RBM46: variants seen among roughly 807,000 people sequenced by gnomAD.
RBM46 encodes the protein RNA binding motif protein 46.
Under a neutral mutation model 43.3 loss-of-function variants are expected in RBM46, and 12 were observed. That is an observed-to-expected ratio of 0.28 (90% CI 0.18 to 0.45). The LOEUF is 0.45. RBM46 is among the 20% of genes least tolerant of loss of function. The pLI, the probability that RBM46 is intolerant of heterozygous loss-of-function variation, is 1.00. For synonymous variants in RBM46, 205 were observed against 207.6 expected (o/e 0.99, Z 0.11); for missense variants, 412 against 639.1 (o/e 0.64, Z 3.83).
At chr4:154,806,533 T>G (rs1371460722) in intron 4 of RBM46, among the ~76,000 whole-genome samples, 1 of 151,814 alleles carries the variant, frequency 6.6e-6, no homozygotes, top group Non-Finnish European at 1.5e-5. Context: ...GATACATATT[T>G]GAGTACAAGT....
intron 4 of RBM46, among the ~76,000 whole-genome samples, chr4:154,805,821 A>G (rs1170219959): frequency 6.6e-6 from 1 of 151,992 alleles, no homozygotes; most frequent in Admixed American, 6.6e-5. Context: ...ACATGAAATA[A>G]TGATTCTATG....
intron 3 of RBM46, among the ~76,000 whole-genome samples, 197 bp from the exon 4 acceptor site, chr4:154,798,585 A>G (rs983949378): frequency 7.9e-5 from 12 of 152,158 alleles, no homozygotes; most frequent in Non-Finnish European, 8.8e-5. Flanking sequence ...TATTTGTTCT[A>G]TTGACTCTGA....
At chr4:154,783,964 T>G (rs1047315806) in intron 1 of RBM46, among the ~76,000 whole-genome samples, 1 of 152,182 alleles carries the variant, frequency 6.6e-6, no homozygotes, top group African/African-American at 2.4e-5. Flanking sequence ...AGTCTGTCAC[T>G]AAAATGAATT....
intron 4 of RBM46, among the ~76,000 whole-genome samples, chr4:154,826,225 A>C (rs1160311004): frequency 6.6e-6 from 1 of 151,898 alleles, no homozygotes; most frequent in Non-Finnish European, 1.5e-5. Context: ...TGGGAGGCTG[A>C]GGTGGGTGGA....
At chr4:154,787,340 C>T (rs1338500895) in intron 1 of RBM46, 4 of 124,380 alleles carry the variant, frequency 3.2e-5, no homozygotes, top group African/African-American at 9.0e-5. Flanking sequence ...CCCCTCCCCC[C>T]ACCCCATGAC....
intron 1 of RBM46, among the ~76,000 whole-genome samples, chr4:154,789,120 A>C (rs1170160338): frequency 6.6e-6 from 1 of 152,214 alleles, no homozygotes; most frequent in Non-Finnish European, 1.5e-5. Flanking sequence ...GTCATCTGCA[A>C]ACAGGGACAA....
Position 154,798,874 on chromosome 4 carries a change from C to G in RBM46, c.712C>G (p.Leu238Val). Residue 238 changes from leucine to valine, a missense_variant, in exon 4 of 5, where the codon CTT becomes GTT. Coordinates refer to ENST00000281722, the MANE Select transcript of RBM46 (RefSeq NM_144979.5). ...DEETMQRVKV[L>V]YVRNLMISTT... ...GGAAACCATGCAGAGAGTTAAAGTT[C>G]TTTATGTAAGAAATTTAATGATCTC... The G allele has an allele frequency of 6.2e-7, 1 of 1,608,728 alleles. No individual in the cohort carries two copies. Among genetic ancestry groups the G allele is most frequent in the Non-Finnish European group, 8.5e-7 (1 of 1,177,248 alleles).
At chr4:154,816,490 A>T (rs957685572) in intron 4 of RBM46, among the ~76,000 whole-genome samples, 1 of 152,140 alleles carries the variant, frequency 6.6e-6, no homozygotes, top group Non-Finnish European at 1.5e-5. Context: ...TAATGTCATC[A>T]TAAAAAATAA....
chr4:154,814,701 T>G (rs999845101), intron 4 of RBM46, among the ~76,000 whole-genome samples: 2 of 151,996 alleles, frequency 1.3e-5, no homozygotes, highest in Admixed American at 6.5e-5. Context: ...GTATTGAAAA[T>G]CATTATAGTT....
At chr4:154,794,245 A>G (rs1433505649) in intron 1 of RBM46, among the ~76,000 whole-genome samples, 1 of 130,254 alleles carries the variant, frequency 7.7e-6, no homozygotes, top group East Asian at 2.2e-4. Flanking sequence ...CAGTGGTGCT[A>G]TCTCTGCTCA....
At chr4:154,814,414 A>G (rs1164799798) in intron 4 of RBM46, among the ~76,000 whole-genome samples, 1 of 152,086 alleles carries the variant, frequency 6.6e-6, no homozygotes. Context: ...GGGTGAAAGT[A>G]CCAGTAAGTA....
intron 4 of RBM46, among the ~76,000 whole-genome samples, chr4:154,800,637 A>AT (rs1245622375): frequency 7.7e-6 from 1 of 129,060 alleles, no homozygotes; most frequent in Non-Finnish European, 1.6e-5. Context: ...AAACCTGTTT[A>AT]TTTTTTAATG....
intron 1 of RBM46, among the ~76,000 whole-genome samples, chr4:154,788,211 T>G (rs1733882877): frequency 6.6e-6 from 1 of 152,230 alleles, no homozygotes; most frequent in African/African-American, 2.4e-5. Flanking sequence ...TTTGTGAATT[T>G]TGGCTTTTGT....
chr4:154,821,912 T>G (rs1467365722), intron 4 of RBM46, among the ~76,000 whole-genome samples: 1 of 151,790 alleles, frequency 6.6e-6, no homozygotes, highest in Non-Finnish European at 1.5e-5. Flanking sequence ...GTAATTGAGG[T>G]AGCAACCTGT....
chr4:154,789,097 A>G (rs1371143367), intron 1 of RBM46, among the ~76,000 whole-genome samples: 1 of 152,170 alleles, frequency 6.6e-6, no homozygotes, highest in Non-Finnish European at 1.5e-5. Context: ...GGGTTTTACA[A>G]ATATACAATC....
intron 4 of RBM46, chr4:154,826,632 G>A (rs1424610313): frequency 6.5e-6 from 4 of 615,506 alleles, no homozygotes; most frequent in Middle Eastern, 3.7e-4. Flanking sequence ...GGAACAGATC[G>A]CTTTGTTGAT....
intron 4 of RBM46, among the ~76,000 whole-genome samples, chr4:154,802,716 G>A (rs1560901620): frequency 6.6e-6 from 1 of 152,142 alleles, no homozygotes; most frequent in South Asian, 2.1e-4. Context: ...TAAAGAATTT[G>A]AGAAGTCAAA....
intron 1 of RBM46, among the ~76,000 whole-genome samples, chr4:154,794,169 A>G (rs537836528): frequency 6.9e-6 from 1 of 145,582 alleles, no homozygotes; most frequent in African/African-American, 2.6e-5. Flanking sequence ...GGATTTTAGT[A>G]GTAATCACTT....
chr4:154,809,291 A>G (rs1247146746), intron 4 of RBM46, among the ~76,000 whole-genome samples: 2 of 152,028 alleles, frequency 1.3e-5, no homozygotes, highest in East Asian at 1.9e-4. Context: ...GTTTTCATCA[A>G]TCCTCTGAGG....
Sources: gnomAD v4.1 joint callset for allele counts (sites outside exome capture counted in the v4.1 genomes callset) on GRCh38, gnomAD v4.1.1 for gene constraint, MANE v1.5 for transcripts, NCBI Gene and HGNC (gene_info 2026-07-23, HGNC 2026-07-21) for gene names.